Variants in TRIM33 observed in about 807,000 individuals in gnomAD.
TRIM33 encodes E3 ubiquitin-protein ligase TRIM33.
TRIM33 carries 20 observed loss-of-function variants against 125.4 expected under a neutral mutation model. The observed-to-expected ratio is 0.16, with a 90% confidence interval of 0.11 to 0.23. The LOEUF is 0.23. Among genes scored for constraint, TRIM33 ranks in the 10% least tolerant of loss-of-function variants. The probability of loss-of-function intolerance (pLI) is 1.00; values close to 1 mark genes in which losing one functional copy is unlikely to be tolerated. For missense variants in TRIM33, 920 were observed against 1,411.4 expected, an observed-to-expected ratio of 0.65 and a Z score of 5.58; for synonymous variants, 564 against 513.9, an observed-to-expected ratio of 1.10 and a Z score of -1.32.
rs760077719 is a variant in TRIM33 at position 114,464,401 on chromosome 1, A to G, written c.527-13T>C. The G allele has an allele frequency of 7.1e-7, 1 of 1,404,890 alleles. No individual in the cohort carries two copies. The highest frequency in any genetic ancestry group is 1.3e-5 in the South Asian group (1 of 79,998). 87.0% of individuals were successfully genotyped at this position (1,404,890 alleles called of 1,614,324 possible). A position where few individuals can be genotyped will look rare whatever the true frequency, so the allele number is the denominator to read the frequency against. On this transcript the variant is annotated splice_polypyrimidine_tract_variant and intron_variant, in intron 1 of 19. Coordinates refer to ENST00000358465, the MANE Select transcript of TRIM33 (RefSeq NM_015906.4). ...CGTATTACACCAACTACAACATAAA[A>G]TAACAACATTTTAAAATATTCTTCA...
At chr1:114,440,884 T>TA (rs1242182579) in intron 4 of TRIM33, among the ~76,000 whole-genome samples, 2 of 152,360 alleles carry the variant, frequency 1.3e-5, no homozygotes, top group African/African-American at 4.8e-5. Flanking sequence ...GTGAGGAGAT[T>TA]ACTGATTGAA....
intron 11 of TRIM33, among the ~76,000 whole-genome samples, chr1:114,414,606 T>C (rs1374784993): frequency 6.6e-6 from 1 of 152,216 alleles, no homozygotes; most frequent in Non-Finnish European, 1.5e-5. Context: ...TCTCCTGGTA[T>C]ATACTCACCT....
At chr1:114,455,898 G>A (rs1298485460) in intron 4 of TRIM33, among the ~76,000 whole-genome samples, 2 of 152,140 alleles carry the variant, frequency 1.3e-5, no homozygotes, top group African/African-American at 4.8e-5. Context: ...CAGCAACTGG[G>A]GAACTAAGGC....
At chr1:114,480,708 G>A (rs1277268932) in intron 1 of TRIM33, among the ~76,000 whole-genome samples, 1 of 152,056 alleles carries the variant, frequency 6.6e-6, no homozygotes, top group Non-Finnish European at 1.5e-5. Context: ...CTATATCACT[G>A]AGTAAACACT....
intron 1 of TRIM33, among the ~76,000 whole-genome samples, chr1:114,464,838 C>T (rs911280768): frequency 1.3e-5 from 2 of 152,058 alleles, no homozygotes; most frequent in South Asian, 2.1e-4. Flanking sequence ...TAACAATGGA[C>T]GCAGGGAGTA....
intron 1 of TRIM33, among the ~76,000 whole-genome samples, chr1:114,466,162 T>C (rs758352232): frequency 2.6e-5 from 4 of 152,106 alleles, no homozygotes; most frequent in Non-Finnish European, 5.9e-5. Flanking sequence ...TATTTTCACA[T>C]TTGGGAAAGC....
chr1:114,478,909 G>T (rs1013742065), intron 1 of TRIM33, among the ~76,000 whole-genome samples: 3 of 152,082 alleles, frequency 2.0e-5, no homozygotes, highest in South Asian at 2.1e-4. Flanking sequence ...TTAGCCAGGC[G>T]TGGTTGTGGG....
intron 11 of TRIM33, among the ~76,000 whole-genome samples, chr1:114,420,926 TG>T (rs1475915563): frequency 6.6e-6 from 1 of 152,200 alleles, no homozygotes; most frequent in African/African-American, 2.4e-5. Context: ...TGCACTCCCA[TG>T]TTCATTTCAG....
At chr1:114,422,787 G>A (rs1003115215) in intron 10 of TRIM33, among the ~76,000 whole-genome samples, 5 of 152,114 alleles carry the variant, frequency 3.3e-5, no homozygotes, top group Non-Finnish European at 7.3e-5. Context: ...AGTTGTCACT[G>A]ACAAAAAGTT....
intron 4 of TRIM33, among the ~76,000 whole-genome samples, chr1:114,461,963 A>G (rs947609510): frequency 8.5e-5 from 13 of 152,228 alleles, no homozygotes; most frequent in Non-Finnish European, 1.9e-4. Flanking sequence ...TTATATAGTC[A>G]AATTTGAGAC....
chr1:114,419,200 CAAA>C (rs35757503), intron 11 of TRIM33, among the ~76,000 whole-genome samples: 3,105 of 54,240 alleles, frequency 0.057, 56 homozygotes, highest in Non-Finnish European at 0.079. Flanking sequence ...GACACCATCT[CAAA>C]AAAAAAAAAA....
intron 1 of TRIM33, among the ~76,000 whole-genome samples, chr1:114,501,571 C>A (rs1244460861): frequency 6.6e-6 from 1 of 152,112 alleles, no homozygotes; most frequent in Non-Finnish European, 1.5e-5. Flanking sequence ...CGGAGACCAG[C>A]CTTGAGCAAC....
chr1:114,434,511 T>G (rs1023607674), intron 4 of TRIM33, among the ~76,000 whole-genome samples: 1 of 152,252 alleles, frequency 6.6e-6, no homozygotes, highest in Admixed American at 6.5e-5. Context: ...GAATGCTATA[T>G]GTTAAAATTT....
chr1:114,480,359 T>C (rs1651242144), intron 1 of TRIM33, among the ~76,000 whole-genome samples: 1 of 151,996 alleles, frequency 6.6e-6, no homozygotes, highest in African/African-American at 2.4e-5. Context: ...CGCAGGGTCC[T>C]CTGCCTAGGA....
chr1:114,461,215 AATATAT>A (rs11367427), intron 4 of TRIM33, among the ~76,000 whole-genome samples: 12 of 133,136 alleles, frequency 9.0e-5, no homozygotes, highest in Admixed American at 6.1e-4. Flanking sequence ...TGTCTTTAAA[AATATAT>A]ATATATATAT....
At chr1:114,431,186 A>C (rs1647928746) in intron 5 of TRIM33, among the ~76,000 whole-genome samples, 1 of 152,258 alleles carries the variant, frequency 6.6e-6, no homozygotes. Flanking sequence ...AGTAACTATG[A>C]CATGAATGTG....
At chr1:114,469,735 C>T (rs1176937607) in intron 1 of TRIM33, among the ~76,000 whole-genome samples, 1 of 152,074 alleles carries the variant, frequency 6.6e-6, no homozygotes, top group Non-Finnish European at 1.5e-5. Context: ...TTAGCATGAG[C>T]GTGGGGAACT....
At chr1:114,483,058 A>T (rs1166886674) in intron 1 of TRIM33, among the ~76,000 whole-genome samples, 1 of 152,188 alleles carries the variant, frequency 6.6e-6, no homozygotes, top group Non-Finnish European at 1.5e-5. Flanking sequence ...TAATCCCAGC[A>T]CTTTGGGAGG....
chr1:114,403,876 C>T (rs1652061937), intron 15 of TRIM33, among the ~76,000 whole-genome samples: 1 of 151,824 alleles, frequency 6.6e-6, no homozygotes, highest in Non-Finnish European at 1.5e-5. Context: ...GGTGGCCAGG[C>T]TGGTCTCAAA....
Sources: allele counts gnomAD v4.1 joint callset (sites outside exome capture counted in the v4.1 genomes callset), GRCh38; gene constraint gnomAD v4.1.1; transcripts MANE v1.5; gene names NCBI Gene and HGNC (gene_info 2026-07-23, HGNC 2026-07-21).